Variants in RTF1 observed in about 807,000 individuals in gnomAD.
The protein encoded by RTF1 is RNA polymerase-associated protein RTF1 homolog.
A neutral mutation model predicts 95.7 loss-of-function variants in RTF1; 10 were observed. The ratio of observed to expected loss-of-function variants is 0.10; its 90% CI spans 0.06 to 0.18. RTF1 has a LOEUF of 0.18. Among genes scored for constraint, RTF1 ranks in the 10% least tolerant of loss-of-function variants. The pLI is 1.00. For missense variants in RTF1, 458 were observed against 875.6 expected, an observed-to-expected ratio of 0.52 and a Z score of 6.02; for synonymous variants, 305 against 311.8, an observed-to-expected ratio of 0.98 and a Z score of 0.23.
At chr15:41,417,576 G>A (rs968243369) in intron 1 of RTF1, among the ~76,000 whole-genome samples, 4 of 152,216 alleles carry the variant, frequency 2.6e-5, no homozygotes, top group African/African-American at 4.8e-5. Flanking sequence ...CTCGGGCTCG[G>A]GGGTAGCGAA....
chr15:41,429,542 C>T (rs2140947240), intron 1 of RTF1, among the ~76,000 whole-genome samples: 1 of 152,080 alleles, frequency 6.6e-6, no homozygotes, highest in South Asian at 2.1e-4. Context: ...TTCCCACTGC[C>T]TAACTTCCAT....
intron 3 of RTF1, among the ~76,000 whole-genome samples, chr15:41,454,968 T>G (rs914752615): frequency 3.4e-4 from 52 of 152,198 alleles, no homozygotes; most frequent in African/African-American, 1.2e-3. Context: ...GACAATTTTT[T>G]GGGGCTTATA....
intron 1 of RTF1, among the ~76,000 whole-genome samples, chr15:41,418,318 G>A (rs1363456296): frequency 1.3e-5 from 2 of 152,142 alleles, no homozygotes. Context: ...TGAATTCTAG[G>A]CTGGGCTTAT....
At position 41,475,868 on chromosome 15, in the gene RTF1, T is replaced by C. The variant is rs188303564; in HGVS notation, c.1482+49T>C. The C allele has an allele frequency of 6.6e-6, 6 of 908,450 alleles. No homozygotes were observed. The African/African-American group carries it at 1.0e-4, about 15-fold the overall frequency. The allele number at this position is 908,450 out of a possible 1,614,324, so 56.3% of individuals were successfully genotyped here. A position where few individuals can be genotyped will look rare whatever the true frequency, so the allele number is the denominator to read the frequency against. On this transcript the variant is annotated intron_variant, in intron 11 of 17. Transcript: ENST00000389629. ...CCCGGAGGTTCATCAAGAACCAGTGTTGAGAGAACATGATTCTCTTTTATT... is the reference window on the plus strand; with the variant it reads ...CCCGGAGGTTCATCAAGAACCAGTGCTGAGAGAACATGATTCTCTTTTATT...
Position 41,478,542 on chromosome 15 carries a change from T to C in RTF1, c.1741-6T>C. The stretch of plus-strand genomic sequence containing the variant: ...GCAGTTCTGTGGTGCATGCTTTCTG[T>C]TTCAGGCTGAAAGTCACAACATGAA... On this transcript the variant is annotated splice_region_variant and splice_polypyrimidine_tract_variant and intron_variant, in intron 14 of 17. Coordinates refer to ENST00000389629, the MANE Select transcript of RTF1 (RefSeq NM_015138.5). The C allele has an allele frequency of 6.2e-7, 1 of 1,613,352 alleles. No homozygotes were observed. The highest frequency in any genetic ancestry group is 2.2e-5 in the East Asian group (1 of 44,872).
intron 1 of RTF1, among the ~76,000 whole-genome samples, chr15:41,428,186 C>T (rs1383970206): frequency 1.4e-5 from 2 of 147,530 alleles, no homozygotes; most frequent in Admixed American, 6.9e-5. Flanking sequence ...ATTGAGATTA[C>T]TTGAAGAGAT....
chr15:41,465,535 G>A (rs2140964545), intron 5 of RTF1, among the ~76,000 whole-genome samples: 1 of 152,214 alleles, frequency 6.6e-6, no homozygotes, highest in East Asian at 1.9e-4. Context: ...CAGCTACTCG[G>A]GGGGCTGAGG....
At chr15:41,466,052 T>G in intron 5 of RTF1, 89 bp from the exon 6 acceptor site, 1 of 796,244 alleles carries the variant, frequency 1.3e-6, no homozygotes, top group Non-Finnish European at 1.9e-6. Flanking sequence ...TATAGATTGA[T>G]GTTGGAGGAC....
intron 1 of RTF1, among the ~76,000 whole-genome samples, chr15:41,428,557 C>T (rs151026240): frequency 8.0e-5 from 12 of 150,882 alleles, no homozygotes; most frequent in African/African-American, 2.7e-4. Flanking sequence ...TGTGAGCTAC[C>T]GTGTCCGGCC....
At chr15:41,431,867 C>A (rs907019000) in intron 1 of RTF1, among the ~76,000 whole-genome samples, 2 of 151,608 alleles carry the variant, frequency 1.3e-5, no homozygotes, top group African/African-American at 4.9e-5. Flanking sequence ...GTGGCACGAT[C>A]TTGGCCCACT....
intron 14 of RTF1, 92 bp from the exon 15 acceptor site, chr15:41,478,456 G>A: frequency 5.1e-6 from 4 of 781,402 alleles, no homozygotes; most frequent in South Asian, 1.7e-5. Flanking sequence ...TTTTTTTTCA[G>A]TCCCGTGCAA....
At chr15:41,429,555 T>C (rs924804798) in intron 1 of RTF1, among the ~76,000 whole-genome samples, 4 of 151,972 alleles carry the variant, frequency 2.6e-5, no homozygotes, top group African/African-American at 9.7e-5. Context: ...ACTTCCATGC[T>C]CCTCACCCTG....
chr15:41,467,222 C>T (rs1286803552), intron 6 of RTF1, among the ~76,000 whole-genome samples: 2 of 152,120 alleles, frequency 1.3e-5, no homozygotes, highest in African/African-American at 2.4e-5. Context: ...GTCTGTTCTA[C>T]CTCTCTCTTC....
At chr15:41,421,157 A>G (rs2050598428) in intron 1 of RTF1, among the ~76,000 whole-genome samples, 1 of 152,116 alleles carries the variant, frequency 6.6e-6, no homozygotes, top group African/African-American at 2.4e-5. Flanking sequence ...CCTCATCTGT[A>G]CAAAGACTTT....
chr15:41,471,731 G>T (rs1482700479), intron 8 of RTF1, among the ~76,000 whole-genome samples: 8 of 152,032 alleles, frequency 5.3e-5, no homozygotes, highest in Non-Finnish European at 1.2e-4. Flanking sequence ...CCAGGGAATT[G>T]TATTGAGGTT....
chr15:41,476,361 G>C (rs752056885), intron 11 of RTF1, 85 bp from the exon 12 acceptor site: 2 of 1,042,508 alleles, frequency 1.9e-6, no homozygotes, highest in Non-Finnish European at 3.0e-6. Flanking sequence ...GTAACTAGCT[G>C]TTTGCATCCA....
chr15:41,453,353 G>A (rs1340025034), intron 3 of RTF1, among the ~76,000 whole-genome samples: 1 of 152,004 alleles, frequency 6.6e-6, no homozygotes, highest in Non-Finnish European at 1.5e-5. Flanking sequence ...CTTATGCATA[G>A]TCTGACTGAG....
intron 3 of RTF1, among the ~76,000 whole-genome samples, chr15:41,455,545 C>T (rs967429340): frequency 3.3e-5 from 5 of 152,052 alleles, no homozygotes; most frequent in Non-Finnish European, 7.4e-5. Context: ...TGGCTCACGC[C>T]TGTAGTCCCA....
intron 4 of RTF1, among the ~76,000 whole-genome samples, chr15:41,462,585 A>G (rs1284259590): frequency 1.3e-5 from 2 of 152,198 alleles, no homozygotes; most frequent in Admixed American, 6.6e-5. Context: ...TAACCCACTT[A>G]AAGTGTATAA....
Sources: gnomAD v4.1 joint callset for allele counts (sites outside exome capture counted in the v4.1 genomes callset) on GRCh38, gnomAD v4.1.1 for gene constraint, MANE v1.5 for transcripts, NCBI Gene and HGNC (gene_info 2026-07-23, HGNC 2026-07-21) for gene names.